FHIT: variants seen among roughly 807,000 people sequenced by gnomAD.
FHIT encodes bis(5'-adenosyl)-triphosphatase.
In FHIT, 19 loss-of-function variants were observed where a neutral mutation model predicts 17.9. That is an observed-to-expected ratio of 1.06 (90% CI 0.74 to 1.56). The LOEUF (loss-of-function observed/expected upper bound fraction) is 1.56, where lower values mean the gene tolerates loss of function less well. FHIT is among the 40% of genes most tolerant of loss of function. The pLI is 0.00. For missense variants in FHIT, 248 were observed against 189.2 expected, an observed-to-expected ratio of 1.31 and a Z score of -1.82; for synonymous variants, 81 against 69.7, an observed-to-expected ratio of 1.16 and a Z score of -0.81.
At chr3:59,935,649 G>C (rs1368574733) in intron 7 of FHIT, among the ~76,000 whole-genome samples, 2 of 151,926 alleles carry the variant, frequency 1.3e-5, no homozygotes, top group Non-Finnish European at 2.9e-5. Flanking sequence ...ATGGATGGGT[G>C]GGGTGGATGG....
chr3:60,849,097 T>C (rs1703040150), intron 3 of FHIT, among the ~76,000 whole-genome samples: 1 of 152,098 alleles, frequency 6.6e-6, no homozygotes, highest in African/African-American at 2.4e-5. Context: ...CAAAACCATT[T>C]CCTGAAAGGG....
At chr3:61,077,126 T>C (rs2034995172) in intron 2 of FHIT, among the ~76,000 whole-genome samples, 1 of 152,090 alleles carries the variant, frequency 6.6e-6, no homozygotes, top group Non-Finnish European at 1.5e-5. Flanking sequence ...CAAACATTTG[T>C]TTGATGGAAG....
At chr3:60,593,274 A>T (rs1330348691) in intron 4 of FHIT, among the ~76,000 whole-genome samples, 1 of 152,132 alleles carries the variant, frequency 6.6e-6, no homozygotes, top group Non-Finnish European at 1.5e-5. Flanking sequence ...TTGTCCTCCA[A>T]CTAGCCTGCA....
chr3:60,153,547 C>G (rs1243366275), intron 5 of FHIT, among the ~76,000 whole-genome samples: 1 of 152,120 alleles, frequency 6.6e-6, no homozygotes, highest in African/African-American at 2.4e-5. Flanking sequence ...TGCTAGAAAA[C>G]ACAGCTCTCA....
intron 5 of FHIT, among the ~76,000 whole-genome samples, chr3:60,034,702 T>C (rs917934135): frequency 1.3e-5 from 2 of 152,228 alleles, no homozygotes; most frequent in Admixed American, 6.5e-5. Flanking sequence ...CTTTGAAGAT[T>C]ACACTTCTGG....
chr3:61,240,413 G>T (rs1314933999), intron 1 of FHIT, among the ~76,000 whole-genome samples: 1 of 152,108 alleles, frequency 6.6e-6, no homozygotes, highest in Non-Finnish European at 1.5e-5. Flanking sequence ...TAAGAATGTG[G>T]CAGCCCTGGC....
intron 7 of FHIT, among the ~76,000 whole-genome samples, chr3:59,995,874 G>A (rs1463908030): frequency 1.3e-5 from 2 of 152,036 alleles, no homozygotes; most frequent in African/African-American, 4.8e-5. Flanking sequence ...AAAGGGGACT[G>A]ACACTAAACT....
chr3:59,844,122 T>C (rs763682321), intron 8 of FHIT, among the ~76,000 whole-genome samples: 2 of 152,182 alleles, frequency 1.3e-5, no homozygotes, highest in Non-Finnish European at 2.9e-5. Flanking sequence ...CAAACAGATA[T>C]TGGCACCATG....
intron 7 of FHIT, among the ~76,000 whole-genome samples, chr3:59,988,558 G>C (rs191828242): frequency 2.6e-5 from 4 of 151,948 alleles, no homozygotes; most frequent in Non-Finnish European, 5.9e-5. Context: ...TATTTTCTGA[G>C]TTCTTTCTGT....
intron 3 of FHIT, among the ~76,000 whole-genome samples, chr3:61,012,246 A>C (rs533768107): frequency 1.9e-4 from 29 of 152,318 alleles, no homozygotes; most frequent in African/African-American, 5.5e-4. Context: ...ATTAATGGGC[A>C]TTTGAGAAGC....
At position 60,364,114 on chromosome 3, in the gene FHIT, C is replaced by G. The variant is rs527626503; in HGVS notation, c.103+172746G>C. ...TTGTAAATATACTCTTTAATATATG[C>G]TGATTTGAATGTACCATCTGGTCCC... On this transcript the variant is annotated intron_variant, in intron 5 of 9. Transcript: ENST00000492590. Among the ~76,000 whole-genome samples the G allele has an allele frequency of 1.9e-4, 29 of 152,316 alleles. 1 individual carries two copies. The South Asian group carries it at 5.8e-3, about 30-fold the overall frequency.
intron 3 of FHIT, among the ~76,000 whole-genome samples, chr3:61,031,987 G>C (rs10510857): frequency 0.012 from 1,889 of 152,304 alleles, 41 homozygotes; most frequent in African/African-American, 0.042. Flanking sequence ...GCCGGTGAGT[G>C]AATCAACTGG....
intron 3 of FHIT, among the ~76,000 whole-genome samples, chr3:60,865,160 A>T (rs1421031279): frequency 2.0e-5 from 3 of 152,214 alleles, no homozygotes; most frequent in African/African-American, 4.8e-5. Flanking sequence ...GCATGTGTTG[A>T]CCAAAAAACT....
intron 5 of FHIT, among the ~76,000 whole-genome samples, chr3:60,338,420 C>T (rs975531390): frequency 6.6e-6 from 1 of 152,094 alleles, no homozygotes; most frequent in Non-Finnish European, 1.5e-5. Flanking sequence ...GACTCGAGTG[C>T]AGCGGCATGA....
intron 5 of FHIT, among the ~76,000 whole-genome samples, chr3:60,200,377 G>A (rs1300578481): frequency 6.6e-6 from 1 of 152,098 alleles, no homozygotes; most frequent in African/African-American, 2.4e-5. Context: ...TGCTCTTGTG[G>A]ATAATACTCA....
intron 3 of FHIT, among the ~76,000 whole-genome samples, chr3:61,015,864 C>T (rs2032078112): frequency 6.6e-6 from 1 of 152,304 alleles, no homozygotes; most frequent in South Asian, 2.1e-4. Context: ...AGTCCAAGGA[C>T]TGGCACATGT....
At chr3:60,496,569 G>A (rs2034308601) in intron 5 of FHIT, among the ~76,000 whole-genome samples, 1 of 152,108 alleles carries the variant, frequency 6.6e-6, no homozygotes, top group African/African-American at 2.4e-5. Context: ...ACTTAATTAG[G>A]ACTATAGAAC....
intron 4 of FHIT, among the ~76,000 whole-genome samples, chr3:60,718,794 T>C (rs2041744392): frequency 6.6e-6 from 1 of 152,196 alleles, no homozygotes; most frequent in African/African-American, 2.4e-5. Flanking sequence ...TTATATAGAA[T>C]TAAACAAATT....
intron 2 of FHIT, among the ~76,000 whole-genome samples, chr3:61,121,590 A>G (rs1219477459): frequency 6.6e-6 from 1 of 152,208 alleles, no homozygotes; most frequent in Non-Finnish European, 1.5e-5. Context: ...TGAAGGAAGC[A>G]CTAAATATGG....
Sources: allele counts gnomAD v4.1 joint callset (sites outside exome capture counted in the v4.1 genomes callset), GRCh38; gene constraint gnomAD v4.1.1; transcripts MANE v1.5; gene names NCBI Gene and HGNC (gene_info 2026-07-23, HGNC 2026-07-21).